Variants in UMODL1 observed in about 807,000 individuals in gnomAD.
UMODL1 encodes the protein uromodulin-like 1.
UMODL1 carries 128 observed loss-of-function variants against 136.3 expected under a neutral mutation model. The observed-to-expected ratio is 0.94, with a 90% CI of 0.81 to 1.09. The LOEUF is 1.09. Ranked by LOEUF, UMODL1 falls within the 50% of genes least tolerant of loss-of-function variation. UMODL1 has a pLI of 0.00. For missense variants in UMODL1, 1,766 were observed against 1,725.6 expected (o/e 1.02, Z -0.41); for synonymous variants, 721 against 720.0 (o/e 1.00, Z -0.02).
At chr21:42,086,468 C>A in intron 4 of UMODL1, 2 of 453,360 alleles carry the variant, frequency 4.4e-6, no homozygotes, top group South Asian at 3.1e-5. Flanking sequence ...AGCTGCTAGA[C>A]AGGTAGTCTG....
At chr21:42,132,394 C>T (rs752906635) in intron 21 of UMODL1, among the ~76,000 whole-genome samples, 3 of 151,978 alleles carry the variant, frequency 2.0e-5, no homozygotes, top group Admixed American at 6.6e-5. Flanking sequence ...CATCATCCAT[C>T]CATCCACTCA....
chr21:42,136,989 C>T (rs1975775), intron 21 of UMODL1, among the ~76,000 whole-genome samples: 22,266 of 152,156 alleles, frequency 0.15, 1,961 homozygotes, highest in Non-Finnish European at 0.19. Flanking sequence ...ATCTCTTGAC[C>T]TTGTGACCCG....
At chr21:42,089,906 G>T (rs370891285) in intron 5 of UMODL1, among the ~76,000 whole-genome samples, 1 of 152,222 alleles carries the variant, frequency 6.6e-6, no homozygotes, top group Non-Finnish European at 1.5e-5. Context: ...GCCTCAGAAC[G>T]TCAGGGGTGG....
chr21:42,071,244 G>T, upstream of UMODL1: 1 of 1,393,960 alleles, frequency 7.2e-7, no homozygotes, highest in African/African-American at 1.5e-5. Flanking sequence ...AGGCCCCTAT[G>T]AGCCCTGGCG....
chr21:42,092,173 T>A (rs980741833), intron 6 of UMODL1, among the ~76,000 whole-genome samples: 2 of 152,058 alleles, frequency 1.3e-5, no homozygotes, highest in Non-Finnish European at 2.9e-5. Flanking sequence ...GCAGCCCGGG[T>A]TAGGAAGACA....
chr21:42,125,535 C>T (rs536980645), intron 17 of UMODL1, among the ~76,000 whole-genome samples: 58 of 152,334 alleles, frequency 3.8e-4, no homozygotes, highest in Non-Finnish European at 7.9e-4. Context: ...ACCCTTCAGC[C>T]CCTCAAATGG....
chr21:42,069,950 T>C (rs1271265946), upstream of UMODL1, among the ~76,000 whole-genome samples: 2 of 152,206 alleles, frequency 1.3e-5, no homozygotes, highest in Non-Finnish European at 2.9e-5. Flanking sequence ...GTGTGAAGCT[T>C]TTGGTTTTCT....
At chr21:42,107,330 C>T (rs2066735635) in intron 9 of UMODL1, among the ~76,000 whole-genome samples, 1 of 152,202 alleles carries the variant, frequency 6.6e-6, no homozygotes. Flanking sequence ...TCTTCTGGGG[C>T]TCTGGAATCA....
At position 42,123,297 on chromosome 21, in the gene UMODL1, A is replaced by T. The variant is rs1246927277; in HGVS notation, c.3147+147A>T. The stretch of plus-strand genomic sequence containing the variant: ...GGTTCAGGACAGGGTTGAGTTCTCA[A>T]CCAGGGACCAGCCTGCACCCCAGAA... On this transcript the variant is annotated intron_variant, in intron 17 of 22. Coordinates refer to ENST00000408910, the MANE Select transcript of UMODL1 (RefSeq NM_001004416.3). This position sits in a 1 kb window ranked among gnomAD's most constrained non-coding sequence, Gnocchi z 4.4. 25 of 927,052 alleles carry T rather than the reference A, an allele frequency of 2.7e-5. No individual in the cohort carries two copies. Among genetic ancestry groups the T allele is most frequent in the Non-Finnish European group, 3.5e-5 (22 of 636,670 alleles). 57.4% of individuals were successfully genotyped at this position (927,052 alleles called of 1,614,324 possible). A position where few individuals can be genotyped will look rare whatever the true frequency, so the allele number is the denominator to read the frequency against.
intron 2 of UMODL1, 52 bp downstream of exon 2, chr21:42,076,299 C>T: frequency 6.2e-7 from 1 of 1,604,690 alleles, no homozygotes; most frequent in Non-Finnish European, 8.5e-7. Context: ...CGTCGAGACG[C>T]CTGATGGGAC....
At chr21:42,073,259 G>A (rs1487071307) in intron 1 of UMODL1, among the ~76,000 whole-genome samples, 1 of 152,214 alleles carries the variant, frequency 6.6e-6, no homozygotes, top group African/African-American at 2.4e-5. Context: ...GCTCGGCGTG[G>A]TCACTGAGTA....
chr21:42,139,390 T>A (rs765553374), intron 22 of UMODL1, among the ~76,000 whole-genome samples: 1 of 151,984 alleles, frequency 6.6e-6, no homozygotes. Context: ...ATCAACCAGA[T>A]CTTATGAGAG....
intron 9 of UMODL1, chr21:42,108,261 C>A: frequency 4.1e-6 from 2 of 488,662 alleles, no homozygotes; most frequent in South Asian, 3.0e-5. Context: ...AGCCTAGGCT[C>A]CAACCCCAAC....
At position 42,115,859 on chromosome 21, in the gene UMODL1, C is replaced by T; in HGVS notation, c.2363-14C>T. On this transcript the variant is annotated splice_polypyrimidine_tract_variant and intron_variant, in intron 13 of 22. Transcript: ENST00000408910. ...CAGCACCAATTCCAAATGTGCTTAT[C>T]CTCCATCCTGCAGCAGCCCGGAAGC... is the stretch of plus-strand genomic sequence containing the variant. 6.2e-7 allele frequency: 1 copy of T among 1,603,852 alleles called. No individual in the cohort carries two copies. Among genetic ancestry groups the T allele is most frequent in the Non-Finnish European group, 8.5e-7 (1 of 1,170,808 alleles).
At chr21:42,064,845 C>A (rs963993188) in intron 1 of UMODL1, among the ~76,000 whole-genome samples, 1 of 152,252 alleles carries the variant, frequency 6.6e-6, no homozygotes, top group Admixed American at 6.5e-5. Context: ...CGTGCACCAA[C>A]ATGCCCGGCC....
intron 15 of UMODL1, chr21:42,120,587 G>A (rs1268172077): frequency 1.3e-5 from 2 of 152,662 alleles, no homozygotes; most frequent in Non-Finnish European, 2.9e-5. Context: ...ATTTTAAAAG[G>A]CTGGAAGGAA....
chr21:42,072,491 T>C (rs1214214803), intron 1 of UMODL1, among the ~76,000 whole-genome samples: 1 of 152,124 alleles, frequency 6.6e-6, no homozygotes, highest in Non-Finnish European at 1.5e-5. Flanking sequence ...AATGGGTGGG[T>C]ATCCTGGGAA....
chr21:42,094,878 G>A (rs1039704486), intron 6 of UMODL1, among the ~76,000 whole-genome samples: 2 of 152,006 alleles, frequency 1.3e-5, no homozygotes, highest in African/African-American at 2.4e-5. Flanking sequence ...AAAGGCCCAT[G>A]AACTGGGTGG....
rs771827914 is a variant in UMODL1, at chr21:42,122,456, G to A, written c.2828-375G>A. Among the ~76,000 whole-genome samples the A allele has an allele frequency of 1.9e-4, 29 of 152,176 alleles. No individual in the cohort carries two copies. The highest frequency in any genetic ancestry group is 2.9e-4 in the Non-Finnish European group (20 of 68,016). On this transcript the variant is annotated intron_variant, in intron 16 of 22. Coordinates refer to ENST00000408910, the MANE Select transcript of UMODL1 (RefSeq NM_001004416.3). The surrounding 1 kb of genome is among the most constrained non-coding windows in gnomAD (Gnocchi z 4.3). ...GTATCCACTGGCTTGGCACATCCCC[G>A]GCATCAGGTCCCTCGGTCCTTGGCC... is the stretch of plus-strand genomic sequence containing the variant.
Sources: gnomAD v4.1 joint callset for allele counts (sites outside exome capture counted in the v4.1 genomes callset) on GRCh38, gnomAD v4.1.1 for gene constraint, Gnocchi (gnomAD v3.1) non-coding constraint, MANE v1.5 for transcripts, NCBI Gene and HGNC (gene_info 2026-07-23, HGNC 2026-07-21) for gene names.